EPHA5: variants seen among roughly 807,000 people sequenced by gnomAD.
The protein encoded by EPHA5 is EPH receptor A5.
A neutral mutation model predicts 105.0 loss-of-function variants in EPHA5; 60 were observed. The ratio of observed to expected loss-of-function variants is 0.57; its 90% confidence interval spans 0.46 to 0.71. The LOEUF is 0.71. Ranked by LOEUF, EPHA5 falls within the 30% of genes least tolerant of loss-of-function variation. The pLI, the probability that EPHA5 is intolerant of heterozygous loss-of-function variation, is 0.00. For synonymous variants in EPHA5, 513 were observed against 449.1 expected (o/e 1.14, Z -1.80); for missense variants, 1,218 against 1,274.7 (o/e 0.96, Z 0.68).
intron 14 of EPHA5, among the ~76,000 whole-genome samples, chr4:65,345,560 G>T (rs1577870792): frequency 6.6e-6 from 1 of 152,326 alleles, no homozygotes; most frequent in East Asian, 1.9e-4. Context: ...GAGACTGTCA[G>T]ATGGGGAACA....
intron 5 of EPHA5, among the ~76,000 whole-genome samples, chr4:65,479,107 T>C (rs1730110446): frequency 6.6e-6 from 1 of 152,192 alleles, no homozygotes; most frequent in African/African-American, 2.4e-5. Flanking sequence ...ACTGAGTAGA[T>C]TATTGAAGAG....
At chr4:65,455,388 A>C (rs1727483886) in intron 5 of EPHA5, among the ~76,000 whole-genome samples, 1 of 152,202 alleles carries the variant, frequency 6.6e-6, no homozygotes, top group Non-Finnish European at 1.5e-5. Context: ...GCTGGACATC[A>C]GGCCTGTCCT....
rs1459948790 is a variant in EPHA5 at position 65,669,812 on chromosome 4, C to G, written c.-70G>C. The G allele has an allele frequency of 7.3e-6, 9 of 1,233,876 alleles. No individual in the cohort carries two copies. In the East Asian group the frequency reaches 2.2e-4, roughly 30 times the overall value. The allele number at this position is 1,233,876 out of a possible 1,614,324, so 76.4% of individuals were successfully genotyped here. The stretch of plus-strand genomic sequence containing the variant: ...CCACCGCTTCGGCCTCGCAGAGCGG[C>G]GAAGGGAGACTCGGGAGTCCTCCTT... On this transcript the variant is annotated 5_prime_UTR_variant, in exon 1 of 17. Transcript: ENST00000613740.
At chr4:65,478,653 G>A (rs1730060997) in intron 5 of EPHA5, among the ~76,000 whole-genome samples, 1 of 152,024 alleles carries the variant, frequency 6.6e-6, no homozygotes, top group African/African-American at 2.4e-5. Context: ...TGTATTTTTA[G>A]TAGAGATGGG....
chr4:65,326,228 T>C (rs1720069486), intron 16 of EPHA5, among the ~76,000 whole-genome samples: 1 of 150,978 alleles, frequency 6.6e-6, no homozygotes, highest in Non-Finnish European at 1.5e-5. Flanking sequence ...AACAAAGGCT[T>C]AGATAATTTG....
chr4:65,387,026 T>C (rs1307605750), intron 8 of EPHA5, among the ~76,000 whole-genome samples: 1 of 151,876 alleles, frequency 6.6e-6, no homozygotes, highest in Non-Finnish European at 1.5e-5. Flanking sequence ...AATCAGGGCA[T>C]TCATCTAAGG....
At chr4:65,469,155 G>A (rs1288774129) in intron 5 of EPHA5, among the ~76,000 whole-genome samples, 2 of 152,116 alleles carry the variant, frequency 1.3e-5, no homozygotes, top group Non-Finnish European at 2.9e-5. Context: ...TAGAACTTCA[G>A]CTTGAGGTAA....
rs1373896578 is a variant in EPHA5, at chr4:65,465,999, C to CA, written c.1402+24377dup. Among the ~76,000 whole-genome samples, 5 of 152,050 alleles carry CA rather than the reference C, an allele frequency of 3.3e-5. No individual in the cohort carries two copies. In the South Asian group the frequency reaches 1.0e-3, roughly 32 times the overall value. On this transcript the variant is annotated intron_variant, in intron 5 of 16. Transcript: ENST00000613740. The stretch of plus-strand genomic sequence containing the variant: ...ACATTCTCACACTTTCAAGGACAAA[C>CA]AAAAAAAGACATAAAAATTAAGTAA...
intron 3 of EPHA5, among the ~76,000 whole-genome samples, chr4:65,542,572 A>C (rs1440988720): frequency 6.6e-6 from 1 of 152,026 alleles, no homozygotes; most frequent in Non-Finnish European, 1.5e-5. Flanking sequence ...AAATTGAGGC[A>C]GTAATAAGTA....
At chr4:65,379,036 T>C (rs1719296664) in intron 8 of EPHA5, among the ~76,000 whole-genome samples, 1 of 151,828 alleles carries the variant, frequency 6.6e-6, no homozygotes, top group Admixed American at 6.6e-5. Context: ...TGTCATTTCC[T>C]AACAAAACAC....
intron 5 of EPHA5, among the ~76,000 whole-genome samples, chr4:65,481,875 GACC>G (rs1397910181): frequency 6.6e-6 from 1 of 152,150 alleles, no homozygotes; most frequent in East Asian, 1.9e-4. Context: ...TCAATTAGTT[GACC>G]AAAATCTGAA....
intron 3 of EPHA5, chr4:65,574,243 T>C: frequency 6.3e-7 from 1 of 1,598,774 alleles, no homozygotes; most frequent in Admixed American, 1.7e-5. Context: ...TTATCAAAAA[T>C]CAAAGCTATT....
At chr4:65,360,658 G>A (rs891021273) in intron 11 of EPHA5, among the ~76,000 whole-genome samples, 2 of 151,470 alleles carry the variant, frequency 1.3e-5, no homozygotes, top group Non-Finnish European at 3.0e-5. Context: ...TAATAGTGGT[G>A]TATGCAAGAT....
At chr4:65,465,272 T>C (rs1366548650) in intron 5 of EPHA5, among the ~76,000 whole-genome samples, 1 of 151,518 alleles carries the variant, frequency 6.6e-6, no homozygotes, top group Admixed American at 6.6e-5. Context: ...CCGTCTCTAC[T>C]AACAATACAA....
intron 1 of EPHA5, among the ~76,000 whole-genome samples, chr4:65,661,565 CTT>C (rs749125217): frequency 1.4e-4 from 21 of 152,216 alleles, no homozygotes; most frequent in Non-Finnish European, 2.5e-4. Flanking sequence ...GAGAAAAACT[CTT>C]AAGTGAGATG....
chr4:65,565,641 A>G (rs1052283421), intron 3 of EPHA5, among the ~76,000 whole-genome samples: 60 of 151,700 alleles, frequency 4.0e-4, no homozygotes, highest in African/African-American at 1.1e-3. Flanking sequence ...AATTTAGAAA[A>G]TTTGAATATG....
chr4:65,417,723 T>C (rs1485313841), intron 6 of EPHA5, among the ~76,000 whole-genome samples: 1 of 151,788 alleles, frequency 6.6e-6, no homozygotes, highest in Non-Finnish European at 1.5e-5. Flanking sequence ...TAAATGTAAC[T>C]CAAAAAAAAT....
chr4:65,567,083 A>C (rs1739619736), intron 3 of EPHA5, among the ~76,000 whole-genome samples: 1 of 151,674 alleles, frequency 6.6e-6, no homozygotes, highest in Admixed American at 6.6e-5. Context: ...GAAACTTAAA[A>C]ATATTTATTT....
chr4:65,623,331 G>T (rs1048471430), intron 2 of EPHA5, among the ~76,000 whole-genome samples: 1 of 151,978 alleles, frequency 6.6e-6, no homozygotes, highest in African/African-American at 2.4e-5. Context: ...TCCTTTAAGT[G>T]AGGGAAAATC....
Sources: gnomAD v4.1 joint callset for allele counts (sites outside exome capture counted in the v4.1 genomes callset) on GRCh38, gnomAD v4.1.1 for gene constraint, MANE v1.5 for transcripts, NCBI Gene and HGNC (gene_info 2026-07-23, HGNC 2026-07-21) for gene names.